SLC25A30: variants seen among roughly 807,000 people sequenced by gnomAD.
SLC25A30 encodes the protein solute carrier family 25 member 30, also known as kidney mitochondrial carrier protein 1.
In SLC25A30, 29 loss-of-function variants were observed where a neutral mutation model predicts 42.7. The observed-to-expected ratio is 0.68, with a 90% CI of 0.51 to 0.93. SLC25A30 has a LOEUF of 0.93. Among genes scored for constraint, SLC25A30 ranks in the 40% least tolerant of loss-of-function variants. The pLI, the probability that SLC25A30 is intolerant of heterozygous loss-of-function variation, is 0.00. For missense variants in SLC25A30, 300 were observed against 359.7 expected (o/e 0.83, Z 1.34); for synonymous variants, 124 against 131.0 (o/e 0.95, Z 0.37).
At chr13:45,405,348 G>A (rs1021447564) in intron 4 of SLC25A30, among the ~76,000 whole-genome samples, 4 of 152,170 alleles carry the variant, frequency 2.6e-5, no homozygotes, top group African/African-American at 7.2e-5. Flanking sequence ...AAAGCACATC[G>A]TATGTATTTA....
intron 7 of SLC25A30, among the ~76,000 whole-genome samples, chr13:45,400,029 T>TACACAC (rs1394174940): frequency 1.7e-5 from 2 of 121,132 alleles, no homozygotes; most frequent in South Asian, 6.1e-4. Context: ...TATATATATA[T>TACACAC]ATATACACAC....
At position 45,397,254 on chromosome 13, in the gene SLC25A30, A is replaced by G. The variant is rs1421663271; in HGVS notation, c.834+4T>C. On this transcript the variant is annotated splice_donor_region_variant and intron_variant, in intron 9 of 9. Coordinates refer to ENST00000519676, the MANE Select transcript of SLC25A30 (RefSeq NM_001010875.4). ...TTCAGATCTATTGCAACAGAAAAGGATACAATGATATTCCAAGGACCAAGT... is the reference window on the plus strand; with the variant it reads ...TTCAGATCTATTGCAACAGAAAAGGGTACAATGATATTCCAAGGACCAAGT... 2 of 1,590,540 alleles carry G rather than the reference A, an allele frequency of 1.3e-6. No individual in the cohort carries two copies. Among genetic ancestry groups the G allele is most frequent in the Non-Finnish European group, 1.7e-6 (2 of 1,159,402 alleles).
intron 9 of SLC25A30, 148 bp from the exon 10 acceptor site, chr13:45,396,163 T>C (rs1881298116): frequency 1.3e-6 from 2 of 1,534,542 alleles, no homozygotes; most frequent in Non-Finnish European, 1.7e-6. Flanking sequence ...GGTTCCACCC[T>C]TAACCACATC....
In SLC25A30 at chr13:45,394,387, C is replaced by T; in HGVS notation, c.*1587G>A. 2.0e-6 allele frequency: 2 copies of T among 985,372 alleles called. No homozygotes were observed. Among genetic ancestry groups the T allele is most frequent in the Non-Finnish European group, 2.4e-6 (2 of 829,932 alleles). 61.0% of individuals were successfully genotyped at this position (985,372 alleles called of 1,614,324 possible). Reference sequence around the variant, plus strand: ...GCCTGCGAGGAAAAATTATCTCATCCTCCAAAAAAACCTGCAGTCCTTCTA... The same window carrying T: ...GCCTGCGAGGAAAAATTATCTCATCTTCCAAAAAAACCTGCAGTCCTTCTA... On this transcript the variant is annotated 3_prime_UTR_variant, in exon 10 of 10. Coordinates refer to ENST00000519676, the MANE Select transcript of SLC25A30 (RefSeq NM_001010875.4).
chr13:45,424,775 T>A, the SLC25A30 span, among the ~76,000 whole-genome samples: 411 of 59,906 alleles, frequency 6.9e-3, 29 homozygotes, highest in African/African-American at 0.023. Flanking sequence ...TAAATATATA[T>A]ATATAAATAT....
rs1881435513 is a variant in SLC25A30, at chr13:45,397,251, A to AG, written c.834+6dup. 6.3e-7 allele frequency: 1 copy of AG among 1,583,176 alleles called. No individual in the cohort carries two copies. Among genetic ancestry groups the AG allele is most frequent in the Admixed American group, 1.7e-5 (1 of 58,996 alleles). ...TTTTTCAGATCTATTGCAACAGAAA[A>AG]GGATACAATGATATTCCAAGGACCA... On this transcript the variant is annotated splice_region_variant and intron_variant, in intron 9 of 9. Coordinates refer to ENST00000519676, the MANE Select transcript of SLC25A30 (RefSeq NM_001010875.4).
chr13:45,399,286 A>T (rs2137630431), intron 7 of SLC25A30, among the ~76,000 whole-genome samples: 1 of 152,194 alleles, frequency 6.6e-6, no homozygotes, highest in Non-Finnish European at 1.5e-5. Context: ...GCTCACTGCA[A>T]CCTCTGCCTC....
At chr13:45,423,886 T>TAAAAAAAA in the SLC25A30 span, among the ~76,000 whole-genome samples, 3 of 77,722 alleles carry the variant, frequency 3.9e-5, no homozygotes, top group Admixed American at 2.5e-4. Flanking sequence ...TATAAAAATA[T>TAAAAAAAA]ATATATAAAT....
intron 9 of SLC25A30, chr13:45,396,323 T>TGAGAGAGAGA: frequency 8.6e-7 from 1 of 1,163,518 alleles, no homozygotes; most frequent in Non-Finnish European, 1.1e-6. Context: ...TGTAAGCTTT[T>TGAGAGAGAGA]GAGAGAGAGA....
chr13:45,398,898 T>C (rs1333761823), intron 8 of SLC25A30, 42 bp downstream of exon 8: 5 of 1,581,798 alleles, frequency 3.2e-6, no homozygotes, highest in Non-Finnish European at 4.3e-6. Flanking sequence ...ATCAAAAAAA[T>C]ATATAATTCA....
At chr13:45,400,014 T>TTATATATATATGTATA (rs1338195041) in intron 7 of SLC25A30, among the ~76,000 whole-genome samples, 50 of 88,810 alleles carry the variant, frequency 5.6e-4, no homozygotes, top group African/African-American at 1.6e-3. Flanking sequence ...TTATGTATGA[T>TTATATATATATGTATA]TATATATATA....
At chr13:45,425,126 ATAAG>A in the SLC25A30 span, among the ~76,000 whole-genome samples, 1 of 88,086 alleles carries the variant, frequency 1.1e-5, no homozygotes, top group African/African-American at 4.8e-5. Context: ...TTATAAATAT[ATAAG>A]TATATAAATA....
chr13:45,424,980 A>G, the SLC25A30 span, among the ~76,000 whole-genome samples: 2 of 74,242 alleles, frequency 2.7e-5, no homozygotes, highest in East Asian at 7.2e-4. Context: ...ATATAAGTAT[A>G]TAAAAATATA....
chr13:45,411,104 T>C (rs1376221278), intron 2 of SLC25A30, among the ~76,000 whole-genome samples: 4 of 148,630 alleles, frequency 2.7e-5, no homozygotes, highest in Non-Finnish European at 4.5e-5. Context: ...CACACCTGGC[T>C]AATTTTTTTT....
the SLC25A30 span, among the ~76,000 whole-genome samples, chr13:45,424,686 G>A: frequency 1.0e-3 from 35 of 34,046 alleles, no homozygotes; most frequent in African/African-American, 1.8e-3. Context: ...GTTATATATA[G>A]ATATATATAA....
chr13:45,428,733 G>T, the SLC25A30 span, among the ~76,000 whole-genome samples: 4 of 151,256 alleles, frequency 2.6e-5, no homozygotes, highest in African/African-American at 9.7e-5. Flanking sequence ...ATGTTGGTCA[G>T]GCTGGTCTTG....
At chr13:45,406,592 T>C (rs190328940) in intron 3 of SLC25A30, among the ~76,000 whole-genome samples, 3 of 152,184 alleles carry the variant, frequency 2.0e-5, no homozygotes, top group Admixed American at 6.5e-5. Context: ...CGTTGTGGCA[T>C]GGACACTCCC....
At chr13:45,403,851 G>A (rs535679719) in intron 5 of SLC25A30, among the ~76,000 whole-genome samples, 52 of 151,336 alleles carry the variant, frequency 3.4e-4, no homozygotes, top group African/African-American at 1.2e-3. Flanking sequence ...CAGGAGAATC[G>A]CTTGAACCCA....
chr13:45,407,592 G>C (rs1354851372), intron 3 of SLC25A30, among the ~76,000 whole-genome samples: 2 of 152,054 alleles, frequency 1.3e-5, no homozygotes, highest in Non-Finnish European at 2.9e-5. Context: ...ATAAAAGACT[G>C]ATGACTCCAA....
Sources: gnomAD v4.1 joint callset for allele counts (sites outside exome capture counted in the v4.1 genomes callset) on GRCh38, gnomAD v4.1.1 for gene constraint, MANE v1.5 for transcripts, NCBI Gene and HGNC (gene_info 2026-07-23, HGNC 2026-07-21) for gene names.